STPG4: variants seen among roughly 807,000 people sequenced by gnomAD.
STPG4 encodes protein STPG4.
STPG4 carries 41 observed loss-of-function variants against 31.5 expected under a neutral mutation model. The ratio of observed to expected loss-of-function variants is 1.30; its 90% CI spans 1.01 to 1.69. The LOEUF (loss-of-function observed/expected upper bound fraction) is 1.69. Among genes scored for constraint, STPG4 ranks in the 40% most tolerant of loss-of-function variants. The pLI is 0.00. For synonymous variants in STPG4, 141 were observed against 103.0 expected, an observed-to-expected ratio of 1.37 and a Z score of -2.24; for missense variants, 375 against 293.4, an observed-to-expected ratio of 1.28 and a Z score of -2.03.
At chr2:47,108,281 G>A (rs1469738300) in intron 5 of STPG4, 1 of 151,652 alleles carries the variant, frequency 6.6e-6, no homozygotes, top group Admixed American at 6.6e-5. Context: ...CAACCCACTC[G>A]AGTCCCCTTC....
At chr2:47,154,541 G>A (rs997203451) in intron 1 of STPG4, among the ~76,000 whole-genome samples, 2 of 152,208 alleles carry the variant, frequency 1.3e-5, no homozygotes, top group Admixed American at 1.3e-4. Context: ...TAAAAGATTA[G>A]GTTAAACAAC....
At chr2:47,143,575 T>C (rs1320430097) in intron 3 of STPG4, among the ~76,000 whole-genome samples, 2 of 151,600 alleles carry the variant, frequency 1.3e-5, no homozygotes, top group Admixed American at 6.6e-5. Context: ...AAGCTCCGCC[T>C]CCTGGGTTCA....
intron 5 of STPG4, among the ~76,000 whole-genome samples, chr2:47,091,046 C>T (rs2103723461): frequency 6.6e-6 from 1 of 151,522 alleles, no homozygotes; most frequent in East Asian, 1.9e-4. Flanking sequence ...CCTTTTTTTC[C>T]CACGGGGTGA....
chr2:47,133,417 A>G (rs1451008560), intron 3 of STPG4, among the ~76,000 whole-genome samples: 2 of 152,002 alleles, frequency 1.3e-5, no homozygotes, highest in Non-Finnish European at 2.9e-5. Flanking sequence ...TCCTCCCACC[A>G]CAGCTTCCCT....
At chr2:47,102,726 A>G (rs893691092) in intron 5 of STPG4, among the ~76,000 whole-genome samples, 2 of 150,302 alleles carry the variant, frequency 1.3e-5, no homozygotes, top group African/African-American at 5.0e-5. Flanking sequence ...CCAAAGGACC[A>G]TAAAAAACCC....
chr2:47,092,662 T>G (rs375327401), intron 5 of STPG4, among the ~76,000 whole-genome samples: 93 of 106,086 alleles, frequency 8.8e-4, no homozygotes, highest in South Asian at 1.1e-3. Context: ...GAGGGGAGGG[T>G]AGAGGAGAGA....
At chr2:47,105,306 G>T (rs1458903102) in intron 5 of STPG4, among the ~76,000 whole-genome samples, 1 of 151,912 alleles carries the variant, frequency 6.6e-6, no homozygotes, top group Non-Finnish European at 1.5e-5. Flanking sequence ...TTGCAGCAGT[G>T]GCCGTCTTAG....
chr2:47,126,737 G>T (rs1344146115), intron 5 of STPG4, among the ~76,000 whole-genome samples: 1 of 152,108 alleles, frequency 6.6e-6, no homozygotes, highest in African/African-American at 2.4e-5. Context: ...AGCTTTGGTT[G>T]TCTGGGAAAG....
chr2:47,129,180 C>G (rs1265747697), intron 5 of STPG4: 1 of 152,230 alleles, frequency 6.6e-6, no homozygotes, highest in Admixed American at 6.6e-5. Flanking sequence ...TCTTTACTCT[C>G]CCCTCTCCTC....
intron 5 of STPG4, among the ~76,000 whole-genome samples, chr2:47,097,786 T>A (rs944453101): frequency 6.6e-6 from 1 of 152,124 alleles, no homozygotes; most frequent in African/African-American, 2.4e-5. Flanking sequence ...AAACATGTGG[T>A]GTGTATTCAC....
chr2:47,125,848 C>G (rs1686357022), intron 5 of STPG4, among the ~76,000 whole-genome samples: 1 of 152,030 alleles, frequency 6.6e-6, no homozygotes, highest in South Asian at 2.1e-4. Context: ...CGTGAGCCAC[C>G]ATACCCAGCC....
chr2:47,097,543 C>T (rs1340203569), intron 5 of STPG4, among the ~76,000 whole-genome samples: 1 of 152,098 alleles, frequency 6.6e-6, no homozygotes, highest in African/African-American at 2.4e-5. Flanking sequence ...CTTCCTCAGA[C>T]AGGAAGGATG....
chr2:47,106,393 C>T (rs997142267), intron 5 of STPG4, among the ~76,000 whole-genome samples: 12 of 151,902 alleles, frequency 7.9e-5, no homozygotes, highest in Non-Finnish European at 1.5e-5. Flanking sequence ...ACTAATACCC[C>T]TATTTATAGG....
intron 5 of STPG4, among the ~76,000 whole-genome samples, chr2:47,114,960 G>T (rs150277859): frequency 0.025 from 3,783 of 152,052 alleles, 168 homozygotes; most frequent in African/African-American, 0.086. Context: ...TAGAGACAGG[G>T]TCTCACCATG....
chr2:47,122,973 A>C (rs1404040822), intron 5 of STPG4, among the ~76,000 whole-genome samples: 2 of 151,858 alleles, frequency 1.3e-5, no homozygotes, highest in East Asian at 3.9e-4. Context: ...TTACAGGCGC[A>C]TGCCACCACG....
intron 5 of STPG4, among the ~76,000 whole-genome samples, chr2:47,092,659 G>T (rs908259770): frequency 5.3e-5 from 8 of 149,756 alleles, no homozygotes; most frequent in African/African-American, 2.0e-4. Context: ...AGGGAGGGGA[G>T]GGTAGAGGAG....
At chr2:47,091,865 T>C (rs1685575697) in intron 5 of STPG4, among the ~76,000 whole-genome samples, 1 of 152,142 alleles carries the variant, frequency 6.6e-6, no homozygotes, top group Middle Eastern at 3.4e-3. Flanking sequence ...ACTGTAACAT[T>C]GTTTCCAAAA....
intron 5 of STPG4, among the ~76,000 whole-genome samples, chr2:47,099,245 G>A (rs1685738187): frequency 6.6e-6 from 1 of 152,200 alleles, no homozygotes; most frequent in Non-Finnish European, 1.5e-5. Flanking sequence ...GGAGGCCGCA[G>A]GAGCAGAAGG....
At chr2:47,109,283 G>A (rs1043165499) in intron 5 of STPG4, among the ~76,000 whole-genome samples, 3 of 152,222 alleles carry the variant, frequency 2.0e-5, no homozygotes, top group Non-Finnish European at 4.4e-5. Context: ...CAGGCCAGGC[G>A]CAGTGGCTTA....
Sources: allele counts gnomAD v4.1 joint callset (sites outside exome capture counted in the v4.1 genomes callset), GRCh38; gene constraint gnomAD v4.1.1; transcripts MANE v1.5; gene names NCBI Gene and HGNC (gene_info 2026-07-23, HGNC 2026-07-21).